Variants in DOT1L observed in about 807,000 individuals in gnomAD.
DOT1L encodes the protein DOT1 like histone lysine methyltransferase.
In DOT1L, 33 loss-of-function variants were observed where a neutral mutation model predicts 153.3. That is an observed-to-expected ratio of 0.22 (90% CI 0.16 to 0.29). The LOEUF (loss-of-function observed/expected upper bound fraction) is 0.29, where lower values mean the gene tolerates loss of function less well. DOT1L is among the 10% of genes least tolerant of loss of function. DOT1L has a pLI of 1.00. For synonymous variants in DOT1L, 1,135 were observed against 965.1 expected (o/e 1.18, Z -3.26); for missense variants, 1,847 against 2,119.9 (o/e 0.87, Z 2.53).
intron 1 of DOT1L, among the ~76,000 whole-genome samples, chr19:2,166,141 G>C (rs2019912365): frequency 6.8e-6 from 1 of 147,164 alleles, no homozygotes; most frequent in South Asian, 2.2e-4. Context: ...TTGTTGCCCA[G>C]GCTGGAGTGC....
rs139132024 is a variant in DOT1L, at chr19:2,171,872, C to T, written c.81+7607C>T. ...CAGATTCAAGTGCCCAGAATGTATG[C>T]GCGGCAGTTACAAGTGGGGCTTCCT... On this transcript the variant is annotated intron_variant, in intron 1 of 27. Transcript: ENST00000398665. Among the ~76,000 whole-genome samples, 164 of 152,256 alleles carry T rather than the reference C, an allele frequency of 1.1e-3. 1 individual carries two copies. The highest frequency in any genetic ancestry group is 3.5e-3 in the African/African-American group (147 of 41,546).
Position 2,229,903 on chromosome 19 carries a change from G to T in DOT1L, c.*111G>T. On this transcript the variant is annotated 3_prime_UTR_variant, in exon 28 of 28. Coordinates refer to ENST00000398665, the MANE Select transcript of DOT1L (RefSeq NM_032482.3). The stretch of plus-strand genomic sequence containing the variant: ...TCCCACCCCTGGACGGCAGAGGCAA[G>T]GACGGACGGGAGCTCCACTGTGAAT... 6.3e-7 allele frequency: 1 copy of T among 1,592,370 alleles called. No individual in the cohort carries two copies. Among genetic ancestry groups the T allele is most frequent in the Non-Finnish European group, 8.6e-7 (1 of 1,166,468 alleles).
In DOT1L at chr19:2,164,017, G is replaced by A; in HGVS notation, c.-168G>A. ...ACTACAAAGAGGGAGTCGGGGGCCG[G>A]GCCGGACCGGAGCGCGGCGGCGGCG... On this transcript the variant is annotated 5_prime_UTR_variant, in exon 1 of 28. Transcript: ENST00000398665. 1 of 267,114 alleles carries A rather than the reference G, an allele frequency of 3.7e-6. No homozygotes were observed. The highest frequency in any genetic ancestry group is 6.2e-6 in the Non-Finnish European group (1 of 161,764). 16.5% of individuals were successfully genotyped at this position (267,114 alleles called of 1,614,324 possible).
chr19:2,165,984 A>G (rs2019903645), intron 1 of DOT1L, among the ~76,000 whole-genome samples: 1 of 151,188 alleles, frequency 6.6e-6, no homozygotes, highest in South Asian at 2.1e-4. Flanking sequence ...GTTAGCCAGG[A>G]TGGTCTCGAT....
intron 27 of DOT1L, chr19:2,229,186 GTCCTGTTCA>G: frequency 1.0e-6 from 1 of 985,466 alleles, no homozygotes; most frequent in Non-Finnish European, 1.2e-6. Context: ...TTCAGGGAAT[GTCCTGTTCA>G]CTCCTCCCCC....
chr19:2,185,932 A>G lies in DOT1L; in HGVS notation c.200+3A>G. ...TTAATTGACTATGACACCAAAAGGT[A>G]AGCAGAGTCCTGTCCAGCCGCTCCG... On this transcript the variant is annotated splice_donor_region_variant and intron_variant, in intron 3 of 27. Transcript: ENST00000398665. 1 of 1,613,960 alleles carries G rather than the reference A, an allele frequency of 6.2e-7. No homozygotes were observed. The highest frequency in any genetic ancestry group is 8.5e-7 in the Non-Finnish European group (1 of 1,179,908).
rs2074553 is a variant in DOT1L, at chr19:2,190,775, T to A, written c.265-237T>A. The stretch of plus-strand genomic sequence containing the variant: ...GGGGAGAGAGGCCCGTGGCAGGAGG[T>A]GGAGCCTCCTAGGACCCCTCTGAGT... On this transcript the variant is annotated intron_variant, in intron 4 of 27. Transcript: ENST00000398665. This position sits in a 1 kb window ranked among gnomAD's most constrained non-coding sequence, Gnocchi z 4.8. Among the ~76,000 whole-genome samples the A allele has an allele frequency of 0.45, 67,838 of 150,944 alleles. 15,467 individuals carry two copies. Among genetic ancestry groups the A allele is most frequent in the Middle Eastern group, 0.52 (152 of 294 alleles).
rs371535945 is a variant in DOT1L, at chr19:2,226,316, C to A, written c.3795C>A (p.Ser1265=). The change falls in exon 27 of 28, where the codon TCC becomes TCA. Residue 1265 remains serine (S), a synonymous_variant. Coordinates refer to ENST00000398665, the MANE Select transcript of DOT1L (RefSeq NM_032482.3). The part of the protein sequence containing the change: ...KSADSPLQAS[S]ALSQNSLFTF... The stretch of plus-strand genomic sequence containing the variant: ...CGGACAGCCCGCTGCAGGCCAGCTC[C>A]GCCCTCAGCCAGAACTCCCTGTTCA... The A allele has an allele frequency of 4.4e-6, 7 of 1,598,488 alleles. No individual in the cohort carries two copies. Among genetic ancestry groups the A allele is most frequent in the Non-Finnish European group, 6.0e-6 (7 of 1,174,244 alleles).
intron 3 of DOT1L, among the ~76,000 whole-genome samples, chr19:2,188,907 G>C (rs1024714330): frequency 6.6e-6 from 1 of 152,198 alleles, no homozygotes; most frequent in Non-Finnish European, 1.5e-5. Context: ...GGTGTTTCTT[G>C]TGGCTCACGT....
chr19:2,200,042 G>T (rs2023184757), intron 8 of DOT1L, 103 bp downstream of exon 8: 4 of 1,453,826 alleles, frequency 2.8e-6, no homozygotes, highest in South Asian at 1.3e-5. Context: ...TCCTGTGCTG[G>T]CTGTGGCAGG....
chr19:2,207,530 C>T lies in DOT1L; in HGVS notation c.857-44C>T. The stretch of plus-strand genomic sequence containing the variant: ...GGTGGGTGAGGTCTGCATGGAGGGG[C>T]TGTGGGCAGGCGCAGGCCCCGGCCT... On this transcript the variant is annotated intron_variant, in intron 10 of 27. Coordinates refer to ENST00000398665, the MANE Select transcript of DOT1L (RefSeq NM_032482.3). The surrounding 1 kb of genome is among the most constrained non-coding windows in gnomAD (Gnocchi z 4.5). 6.4e-7 allele frequency: 1 copy of T among 1,552,368 alleles called. No individual in the cohort carries two copies. The highest frequency in any genetic ancestry group is 8.8e-7 in the Non-Finnish European group (1 of 1,140,990).
intron 12 of DOT1L, among the ~76,000 whole-genome samples, 195 bp from the exon 13 acceptor site, chr19:2,210,205 C>T (rs905926619): frequency 3.3e-5 from 5 of 152,258 alleles, no homozygotes; most frequent in Non-Finnish European, 7.3e-5. Flanking sequence ...CCACGGGTCA[C>T]GTCCTGGCCT....
intron 2 of DOT1L, among the ~76,000 whole-genome samples, chr19:2,183,720 G>C (rs2022352876): frequency 6.6e-6 from 1 of 151,142 alleles, no homozygotes; most frequent in Non-Finnish European, 1.5e-5. Flanking sequence ...TCCGTCTCCG[G>C]GGTTCAAGTG....
At chr19:2,210,546 A>T (rs1463575891) in intron 13 of DOT1L, 36 bp downstream of exon 13, 1 of 1,588,504 alleles carries the variant, frequency 6.3e-7, no homozygotes, top group South Asian at 1.1e-5. Flanking sequence ...GCTGGAGGGC[A>T]CCCGCCCCCT....
intron 2 of DOT1L, 91 bp from the exon 3 acceptor site, chr19:2,185,764 G>C (rs111378380): frequency 7.0e-7 from 1 of 1,427,016 alleles, no homozygotes; most frequent in East Asian, 2.3e-5. Context: ...GTGAGACTCC[G>C]TCTCAAAACA....
At position 2,207,527 on chromosome 19, in the gene DOT1L, G is replaced by A. The variant is rs748000438; in HGVS notation, c.857-47G>A. 2 of 1,540,622 alleles carry A rather than the reference G, an allele frequency of 1.3e-6. No individual in the cohort carries two copies. The highest frequency in any genetic ancestry group is 2.3e-5 in the South Asian group (2 of 87,326). ...TGGGGTGGGTGAGGTCTGCATGGAGGGGCTGTGGGCAGGCGCAGGCCCCGG... is the reference window on the plus strand; with the variant it reads ...TGGGGTGGGTGAGGTCTGCATGGAGAGGCTGTGGGCAGGCGCAGGCCCCGG... On this transcript the variant is annotated intron_variant, in intron 10 of 27. Transcript: ENST00000398665. The surrounding 1 kb of genome is among the most constrained non-coding windows in gnomAD (Gnocchi z 4.5).
chr19:2,228,094 C>T lies in DOT1L; in HGVS notation c.4606+967C>T, dbSNP rs766961312. 5.2e-6 allele frequency: 7 copies of T among 1,347,796 alleles called. No individual in the cohort carries two copies. The African/African-American group carries it at 1.0e-4, about 20-fold the overall frequency. The allele number at this position is 1,347,796 out of a possible 1,614,324, so 83.5% of individuals were successfully genotyped here. ...CTCGCGTCCCTCCCGCCTAACCAAGCTTTCTTGCCCCCCACCTCTGCTGCC... is the reference window on the plus strand; with the variant it reads ...CTCGCGTCCCTCCCGCCTAACCAAGTTTTCTTGCCCCCCACCTCTGCTGCC... On this transcript the variant is annotated intron_variant, in intron 27 of 27. Coordinates refer to ENST00000398665, the MANE Select transcript of DOT1L (RefSeq NM_032482.3).
chr19:2,172,607 C>G (rs1599531530), intron 1 of DOT1L, among the ~76,000 whole-genome samples: 1 of 146,206 alleles, frequency 6.8e-6, no homozygotes, highest in South Asian at 2.2e-4. Context: ...TGGGTTCAAG[C>G]CATTCTCCTG....
chr19:2,214,137 GAGCGCGTCAC>G, intron 18 of DOT1L, 151 bp downstream of exon 18: 1 of 1,322,068 alleles, frequency 7.6e-7, no homozygotes, highest in South Asian at 1.5e-5. Context: ...AAAGCTTGTC[GAGCGCGTCAC>G]AGCAGGCAGG....
Sources: gnomAD v4.1 joint callset for allele counts (sites outside exome capture counted in the v4.1 genomes callset) on GRCh38, gnomAD v4.1.1 for gene constraint, Gnocchi (gnomAD v3.1) non-coding constraint, MANE v1.5 for transcripts, NCBI Gene and HGNC (gene_info 2026-07-23, HGNC 2026-07-21) for gene names.